ATXN7: variants seen among roughly 807,000 people sequenced by gnomAD.
ATXN7 encodes the protein ataxin 7.
In ATXN7, 12 loss-of-function variants were observed where a neutral mutation model predicts 70.5. The observed-to-expected ratio is 0.17, with a 90% CI of 0.11 to 0.28. ATXN7 has a LOEUF of 0.28. Among genes scored for constraint, ATXN7 ranks in the 10% least tolerant of loss-of-function variants. The pLI is 1.00. For missense variants in ATXN7, 1,256 were observed against 1,131.7 expected (o/e 1.11, Z -1.58); for synonymous variants, 498 against 448.7 (o/e 1.11, Z -1.39).
chr3:63,956,612 G>A (rs550832647), intron 5 of ATXN7, among the ~76,000 whole-genome samples: 2 of 152,126 alleles, frequency 1.3e-5, no homozygotes, highest in South Asian at 4.2e-4. Flanking sequence ...TAGAACCCAG[G>A]AATCTGCATT....
In ATXN7 at chr3:63,912,671, G is replaced by A; in HGVS notation, c.73G>A (p.Ala25Thr). The change falls in exon 3 of 13, where the codon GCC (alanine) becomes ACC (threonine). Residue 25 changes from alanine to threonine, a missense_variant. Transcript: ENST00000674280. The part of the protein sequence containing the change: ...RAAAAAGGAA[A>T]AAARQQQQQQ... ...GGCGGCGGCGGCGGGCGGAGCAGCG[G>A]CCGCGGCCGCCCGGCAGCAGCAGCA... The A allele has an allele frequency of 1.9e-6, 2 of 1,059,310 alleles. No individual in the cohort carries two copies. The highest frequency in any genetic ancestry group is 1.1e-6 in the Non-Finnish European group (1 of 876,122). 65.6% of individuals were successfully genotyped at this position (1,059,310 alleles called of 1,614,324 possible).
intron 5 of ATXN7, among the ~76,000 whole-genome samples, chr3:63,965,034 G>A (rs983812025): frequency 6.6e-6 from 1 of 152,078 alleles, no homozygotes; most frequent in Non-Finnish European, 1.5e-5. Flanking sequence ...CTTGTTTATT[G>A]CCCTCCAGAG....
chr3:63,959,206 C>T (rs1243365455), intron 5 of ATXN7, among the ~76,000 whole-genome samples: 1 of 152,176 alleles, frequency 6.6e-6, no homozygotes, highest in Non-Finnish European at 1.5e-5. Flanking sequence ...AGACTCGTAG[C>T]ATTTTGTAGC....
At chr3:63,938,702 A>T (rs1282439930) in intron 4 of ATXN7, among the ~76,000 whole-genome samples, 3 of 152,254 alleles carry the variant, frequency 2.0e-5, no homozygotes, top group Non-Finnish European at 4.4e-5. Context: ...TGAGTGGAAA[A>T]GTGAAGGAGT....
rs56293497 is a variant in ATXN7, at chr3:63,892,374, C to CCACACACACA, written c.-110-5997_-110-5988dup. On this transcript the variant is annotated intron_variant, in intron 1 of 12. Transcript: ENST00000674280. ...CCAGTCAACTTTAAAGACACCTCTA[C>CCACACACACA]CACACACACACACACACACACACAC... is the stretch of plus-strand genomic sequence containing the variant. 1.0e-4 allele frequency among the ~76,000 whole-genome samples: 14 copies of CCACACACACA among 133,478 alleles called. No individual in the cohort carries two copies. In the South Asian group the frequency reaches 1.5e-3, roughly 15 times the overall value. 87.6% of individuals were successfully genotyped at this position (133,478 alleles called of 152,430 possible).
Position 64,003,250 on chromosome 3 carries a change from TCTC to T in ATXN7, c.*3786_*3788del, listed in dbSNP as rs1255340102. 1.5e-5 allele frequency: 2 copies of T among 133,360 alleles called. No individual in the cohort carries two copies. The highest frequency in any genetic ancestry group is 5.6e-5 in the African/African-American group (2 of 35,942). 8.3% of individuals were successfully genotyped at this position (133,360 alleles called of 1,614,324 possible). ...TTTTTGAGCTTGGTTATAAAAGCAA[TCTC>T]CTGTGTTAAAAACGTGTGAATAGTT... On this transcript the variant is annotated 3_prime_UTR_variant, in exon 13 of 13. Coordinates refer to ENST00000674280, the MANE Select transcript of ATXN7 (RefSeq NM_001377405.1).
At chr3:63,942,999 T>C (rs547686975) in intron 4 of ATXN7, among the ~76,000 whole-genome samples, 14 of 152,360 alleles carry the variant, frequency 9.2e-5, no homozygotes, top group Middle Eastern at 3.4e-3. Context: ...TGCTATGTAC[T>C]TGTGGCCCCT....
intron 7 of ATXN7, among the ~76,000 whole-genome samples, chr3:63,982,710 C>T (rs575466094): frequency 9.5e-4 from 144 of 151,476 alleles, no homozygotes; most frequent in African/African-American, 3.3e-3. Context: ...GTAATACAGA[C>T]TTAAACAATA....
intron 12 of ATXN7, chr3:63,996,734 C>A (rs556805382): frequency 7.1e-5 from 36 of 504,036 alleles, no homozygotes; most frequent in Admixed American, 6.8e-4. Flanking sequence ...TACAGTAATG[C>A]ATTTTTAGTA....
chr3:63,996,554 A>T (rs1194578433), intron 12 of ATXN7, 71 bp downstream of exon 12: 3 of 1,530,936 alleles, frequency 2.0e-6, no homozygotes, highest in Non-Finnish European at 2.6e-6. Context: ...TCAGCTCAGA[A>T]ATGTGTTTGG....
At chr3:63,993,840 C>T (rs1315411336) in intron 11 of ATXN7, among the ~76,000 whole-genome samples, 4 of 152,218 alleles carry the variant, frequency 2.6e-5, no homozygotes, top group African/African-American at 9.6e-5. Flanking sequence ...GCAGTAGGGC[C>T]TGGACTTCAT....
chr3:63,898,783 T>C (rs1703522868), intron 2 of ATXN7, among the ~76,000 whole-genome samples: 1 of 152,228 alleles, frequency 6.6e-6, no homozygotes, highest in Non-Finnish European at 1.5e-5. Flanking sequence ...ATCCTCCTTC[T>C]TTCCCAGTCT....
chr3:63,911,876 G>A (rs918016654), intron 2 of ATXN7: 7 of 152,358 alleles, frequency 4.6e-5, no homozygotes, highest in African/African-American at 1.7e-4. Context: ...TGACAACTCT[G>A]CGGCCGCCCG....
At position 63,995,913 on chromosome 3, in the gene ATXN7, C is replaced by T. The variant is rs759839381; in HGVS notation, c.2091C>T (p.Ser697=). 122 of 1,614,088 alleles carry T rather than the reference C, an allele frequency of 7.6e-5. No individual in the cohort carries two copies. The highest frequency in any genetic ancestry group is 1.0e-4 in the Non-Finnish European group (122 of 1,180,042). ...GCACTAACTGTCAAAATGCCAGTAG[C>T]AGTACCAGTGGCGGCTCAGGAAAGA... The part of the protein sequence containing the change: ...GNSTNCQNAS[S]STSGGSGKKR... The change falls in exon 12 of 13, where the codon AGC becomes AGT. Residue 697 remains serine, a synonymous_variant. Transcript: ENST00000674280.
In ATXN7 at chr3:63,982,371, C is replaced by T. The variant is rs761980031; in HGVS notation, c.938C>T (p.Pro313Leu). 2.5e-6 allele frequency: 4 copies of T among 1,613,860 alleles called. No homozygotes were observed. Among genetic ancestry groups the T allele is most frequent in the Non-Finnish European group, 3.4e-6 (4 of 1,179,906 alleles). The change falls in exon 7 of 13, where the codon CCT becomes CTT. Residue 313 changes from proline to leucine, a missense_variant. Transcript: ENST00000674280. ...CAGATTCTGAATGGCAAAGGGCTTC[C>T]TGCACCGCCCACTCTGGAAAAGAAA... ...PGQILNGKGL[P>L]APPTLEKKPE...
intron 5 of ATXN7, among the ~76,000 whole-genome samples, chr3:63,960,090 G>C (rs1405255619): frequency 6.6e-6 from 1 of 152,174 alleles, no homozygotes; most frequent in Non-Finnish European, 1.5e-5. Flanking sequence ...GACCACTTTA[G>C]GTAAGGCTAG....
intron 1 of ATXN7, among the ~76,000 whole-genome samples, chr3:63,866,360 C>G (rs780592975): frequency 6.6e-6 from 1 of 152,178 alleles, no homozygotes; most frequent in African/African-American, 2.4e-5. Context: ...AAGTGATCCT[C>G]CCATCTCAGC....
intron 4 of ATXN7, among the ~76,000 whole-genome samples, chr3:63,919,546 A>C (rs1030605467): frequency 2.6e-5 from 4 of 152,200 alleles, no homozygotes; most frequent in Non-Finnish European, 5.9e-5. Context: ...GGAGAGTAGA[A>C]ATGGTTTCAC....
rs1345446990 is a variant in ATXN7 at position 63,996,299 on chromosome 3, A to G, written c.2477A>G (p.His826Arg). ...VNSHGSFSHS[H>R]TPLDKLIGKK... Reference sequence around the variant, plus strand: ...TCCCACGGCAGTTTTTCCCACTCACACACTCCTCTAGACAAACTCATAGGA... The same window carrying G: ...TCCCACGGCAGTTTTTCCCACTCACGCACTCCTCTAGACAAACTCATAGGA... The change falls in exon 12 of 13, where the codon CAC (histidine) becomes CGC (arginine). Residue 826 changes from histidine (H) to arginine (R), a missense_variant. Transcript: ENST00000674280. 1 of 1,614,088 alleles carries G rather than the reference A, an allele frequency of 6.2e-7. No homozygotes were observed. Among genetic ancestry groups the G allele is most frequent in the East Asian group, 2.2e-5 (1 of 44,864 alleles).
Sources: allele counts gnomAD v4.1 joint callset (sites outside exome capture counted in the v4.1 genomes callset), GRCh38; gene constraint gnomAD v4.1.1; transcripts MANE v1.5; gene names NCBI Gene and HGNC (gene_info 2026-07-23, HGNC 2026-07-21).